CLSTN1: variants seen among roughly 807,000 people sequenced by gnomAD.
CLSTN1 encodes calsyntenin-1.
A neutral mutation model predicts 108.3 loss-of-function variants in CLSTN1; 28 were observed. The observed-to-expected ratio is 0.26, with a 90% CI of 0.19 to 0.35. The LOEUF is 0.35. CLSTN1 is among the 10% of genes least tolerant of loss of function. CLSTN1 has a pLI of 1.00. For synonymous variants in CLSTN1, 524 were observed against 534.9 expected (o/e 0.98, Z 0.28); for missense variants, 1,157 against 1,302.6 (o/e 0.89, Z 1.72).
intron 2 of CLSTN1, among the ~76,000 whole-genome samples, chr1:9,759,160 TTC>T (rs1651951472): frequency 6.6e-6 from 1 of 152,210 alleles, no homozygotes. Context: ...AAACTGCCGT[TTC>T]CAGAAAGTCC....
At position 9,809,870 on chromosome 1, in the gene CLSTN1, T is replaced by C. The variant is rs931016682; in HGVS notation, c.91+13773A>G. On this transcript the variant is annotated intron_variant, in intron 1 of 18. Coordinates refer to ENST00000377298, the MANE Select transcript of CLSTN1 (RefSeq NM_001009566.3). ...GAACCGAGATCACACCACCGCACTC[T>C]AGCCTGAGGGAAAGAGCAAAACTCT... Among the ~76,000 whole-genome samples the C allele has an allele frequency of 4.0e-5, 6 of 150,258 alleles. No individual in the cohort carries two copies. The South Asian group carries it at 1.3e-3, about 32-fold the overall frequency.
chr1:9,764,183 A>G (rs1652215617), intron 2 of CLSTN1, among the ~76,000 whole-genome samples: 2 of 151,958 alleles, frequency 1.3e-5, no homozygotes, highest in Admixed American at 1.3e-4. Context: ...GGCTCTTTTT[A>G]GCAATGAGCT....
chr1:9,770,863 G>A (rs56241315), intron 2 of CLSTN1, among the ~76,000 whole-genome samples: 3 of 151,746 alleles, frequency 2.0e-5, no homozygotes, highest in African/African-American at 7.3e-5. Context: ...GCATGGTGGC[G>A]GGCACCTGTA....
At chr1:9,778,421 T>C (rs1653062682) in intron 1 of CLSTN1, among the ~76,000 whole-genome samples, 2 of 152,148 alleles carry the variant, frequency 1.3e-5, no homozygotes. Flanking sequence ...AATTCTCTCA[T>C]GGAGAAGATA....
chr1:9,773,522 A>G, intron 1 of CLSTN1, 128 bp from the exon 2 acceptor site: 1 of 953,516 alleles, frequency 1.0e-6, no homozygotes, highest in East Asian at 3.1e-5. Context: ...CAGTGCTCAC[A>G]GTTCTGTCGC....
intron 1 of CLSTN1, among the ~76,000 whole-genome samples, chr1:9,799,054 G>A (rs1200173816): frequency 6.6e-6 from 1 of 151,868 alleles, no homozygotes; most frequent in Non-Finnish European, 1.5e-5. Context: ...AGTGGTGCAC[G>A]CCCATGGTCC....
chr1:9,760,684 G>GTTTTTTTTTTTTTTTTTTTTTTTT (rs762619559), intron 2 of CLSTN1, among the ~76,000 whole-genome samples: 1 of 102,408 alleles, frequency 9.8e-6, no homozygotes, highest in African/African-American at 4.3e-5. Flanking sequence ...CCATTCCCGG[G>GTTTTTTTTTTTTTTTTTTTTTTTT]TTTTTTTTTT....
At chr1:9,811,327 T>C (rs1443020608) in intron 1 of CLSTN1, among the ~76,000 whole-genome samples, 1 of 152,168 alleles carries the variant, frequency 6.6e-6, no homozygotes, top group Non-Finnish European at 1.5e-5. Flanking sequence ...GCTCTGAATG[T>C]TTAGAAGACA....
chr1:9,738,159 AG>A (rs1650790783), intron 10 of CLSTN1, among the ~76,000 whole-genome samples: 1 of 152,246 alleles, frequency 6.6e-6, no homozygotes, highest in Non-Finnish European at 1.5e-5. Flanking sequence ...AGGGAGATGC[AG>A]AGGCTAAGGA....
chr1:9,743,344 G>GC (rs1264126457), intron 9 of CLSTN1, among the ~76,000 whole-genome samples: 1 of 152,190 alleles, frequency 6.6e-6, no homozygotes, highest in Non-Finnish European at 1.5e-5. Context: ...TGAGGTGGGT[G>GC]CATCAGTTGA....
At chr1:9,797,289 G>C (rs1326132185) in intron 1 of CLSTN1, among the ~76,000 whole-genome samples, 1 of 151,938 alleles carries the variant, frequency 6.6e-6, no homozygotes, top group African/African-American at 2.4e-5. Context: ...CTGTCCAAAA[G>C]AAAGAAAAGG....
chr1:9,743,827 G>A, intron 9 of CLSTN1, 57 bp downstream of exon 9: 1 of 1,593,300 alleles, frequency 6.3e-7, no homozygotes, highest in Non-Finnish European at 8.6e-7. Context: ...CAAAGTGCTG[G>A]GATTATAGGT....
In CLSTN1 at chr1:9,788,442, A is replaced by G. The variant is rs377567753; in HGVS notation, c.92-15048T>C. ...AAAAATTAGCTGGGCATGGTAGTCC[A>G]TGCTAATTCCAGTCACTTGGGAGAC... On this transcript the variant is annotated intron_variant, in intron 1 of 18. Transcript: ENST00000377298. Among the ~76,000 whole-genome samples the G allele has an allele frequency of 7.6e-4, 115 of 151,122 alleles. 2 individuals carry two copies. Among genetic ancestry groups the G allele is most frequent in the African/African-American group, 2.7e-3 (110 of 41,472 alleles).
At chr1:9,747,785 C>T (rs1313390278) in intron 7 of CLSTN1, among the ~76,000 whole-genome samples, 1 of 152,048 alleles carries the variant, frequency 6.6e-6, no homozygotes, top group African/African-American at 2.4e-5. Flanking sequence ...GTGGCTCATG[C>T]CTGCAATCAG....
intron 7 of CLSTN1, among the ~76,000 whole-genome samples, chr1:9,749,205 C>A (rs1198297892): frequency 1.3e-5 from 2 of 152,090 alleles, no homozygotes; most frequent in African/African-American, 4.8e-5. Flanking sequence ...CATCTGGCCA[C>A]CAGTGGTTCT....
chr1:9,783,267 A>C (rs1432943331), intron 1 of CLSTN1, among the ~76,000 whole-genome samples: 5 of 152,210 alleles, frequency 3.3e-5, no homozygotes, highest in African/African-American at 1.2e-4. Context: ...TAAGTAAAGA[A>C]GACTTTGTAA....
rs1650604508 is a variant in CLSTN1 at position 9,734,962 on chromosome 1, G to A, written c.2096C>T (p.Ala699Val). 6.2e-7 allele frequency: 1 copy of A among 1,614,162 alleles called. No individual in the cohort carries two copies. Among genetic ancestry groups the A allele is most frequent in the South Asian group, 1.1e-5 (1 of 91,088 alleles). ...TREVEPEGDG[A>V]EDPTVQESLV... Reference sequence around the variant, plus strand: ...GAGCACATTACCTGTGGGGTCCTCAGCCCCGTCCCCTTCAGGCTCCACTTC... The same window carrying A: ...GAGCACATTACCTGTGGGGTCCTCAACCCCGTCCCCTTCAGGCTCCACTTC... Residue 699 changes from alanine to valine, a missense_variant, in exon 14 of 19, where the codon GCT (alanine) becomes GTT (valine). Physicochemically the swap from Ala to Val is moderately conservative, Grantham distance 64. Coordinates refer to ENST00000377298, the MANE Select transcript of CLSTN1 (RefSeq NM_001009566.3). This position sits in a 1 kb window ranked among gnomAD's most constrained non-coding sequence, Gnocchi z 4.8.
At chr1:9,793,439 A>G (rs1219370095) in intron 1 of CLSTN1, among the ~76,000 whole-genome samples, 1 of 151,532 alleles carries the variant, frequency 6.6e-6, no homozygotes, top group East Asian at 2.0e-4. Flanking sequence ...CAACCCTGTT[A>G]AACTGCACCC....
chr1:9,802,054 C>G (rs1570511680), intron 1 of CLSTN1, among the ~76,000 whole-genome samples: 1 of 152,264 alleles, frequency 6.6e-6, no homozygotes, highest in East Asian at 1.9e-4. Flanking sequence ...GTATTATTAT[C>G]ATCATCCCCA....
Sources: allele counts gnomAD v4.1 joint callset (sites outside exome capture counted in the v4.1 genomes callset), GRCh38; gene constraint gnomAD v4.1.1; non-coding constraint Gnocchi (gnomAD v3.1); transcripts MANE v1.5; gene names NCBI Gene and HGNC (gene_info 2026-07-23, HGNC 2026-07-21).